ITGA8: variants seen among roughly 807,000 people sequenced by gnomAD.
ITGA8 encodes the protein integrin alpha-8.
Under a neutral mutation model 142.3 loss-of-function variants are expected in ITGA8, and 91 were observed. The ratio of observed to expected loss-of-function variants is 0.64; its 90% CI spans 0.54 to 0.76. The LOEUF (loss-of-function observed/expected upper bound fraction) is 0.76. Ranked by LOEUF, ITGA8 falls within the 30% of genes least tolerant of loss-of-function variation. ITGA8 has a pLI of 0.00. For missense variants in ITGA8, 1,406 were observed against 1,327.7 expected, an observed-to-expected ratio of 1.06 and a Z score of -0.92; for synonymous variants, 505 against 485.2, an observed-to-expected ratio of 1.04 and a Z score of -0.54.
chr10:15,710,181 G>T (rs925296259), intron 2 of ITGA8, among the ~76,000 whole-genome samples: 1 of 152,254 alleles, frequency 6.6e-6, no homozygotes, highest in East Asian at 1.9e-4. Flanking sequence ...ATTTCCCAAA[G>T]ATAGTCTCTC....
chr10:15,709,737 C>T (rs754581868), intron 2 of ITGA8, among the ~76,000 whole-genome samples: 18 of 152,126 alleles, frequency 1.2e-4, no homozygotes, highest in Admixed American at 9.2e-4. Context: ...AAAGCTATTC[C>T]GCACACAAAC....
chr10:15,583,731 T>C (rs1358384808), intron 23 of ITGA8, among the ~76,000 whole-genome samples: 1 of 152,090 alleles, frequency 6.6e-6, no homozygotes, highest in Non-Finnish European at 1.5e-5. Context: ...TATAAAGTAG[T>C]CCAAAATAAC....
chr10:15,625,495 C>G (rs1833565539), intron 13 of ITGA8, among the ~76,000 whole-genome samples: 1 of 152,170 alleles, frequency 6.6e-6, no homozygotes, highest in Non-Finnish European at 1.5e-5. Context: ...TTCTACAGTA[C>G]CAGTGTCACT....
At chr10:15,719,508 C>A in intron 1 of ITGA8, 55 bp downstream of exon 1, 2 of 1,460,308 alleles carry the variant, frequency 1.4e-6, no homozygotes, top group Non-Finnish European at 1.8e-6. Context: ...CCGCTGGGAC[C>A]TGACCCGGGA....
intron 8 of ITGA8, among the ~76,000 whole-genome samples, chr10:15,662,882 T>C (rs1162059693): frequency 6.6e-6 from 1 of 152,168 alleles, no homozygotes; most frequent in Non-Finnish European, 1.5e-5. Flanking sequence ...ACAGATTACT[T>C]TCTTGGGTTT....
chr10:15,718,683 C>A (rs1835498671), intron 2 of ITGA8, 83 bp downstream of exon 2: 1 of 1,555,600 alleles, frequency 6.4e-7, no homozygotes, highest in Non-Finnish European at 8.8e-7. Context: ...AGCAGCACAC[C>A]AAGACAGCGG....
At chr10:15,683,959 A>C in intron 4 of ITGA8, 45 bp downstream of exon 4, 3 of 1,611,488 alleles carry the variant, frequency 1.9e-6, no homozygotes, top group Non-Finnish European at 2.5e-6. Flanking sequence ...TACGATAGAA[A>C]AGCACTTGAG....
chr10:15,623,466 A>G (rs989895256), intron 13 of ITGA8, among the ~76,000 whole-genome samples: 2 of 152,304 alleles, frequency 1.3e-5, no homozygotes, highest in African/African-American at 4.8e-5. Flanking sequence ...TGGGTGGATC[A>G]CTTGAGGTCA....
intron 26 of ITGA8, among the ~76,000 whole-genome samples, chr10:15,548,785 C>T (rs1348518587): frequency 2.0e-5 from 3 of 152,130 alleles, no homozygotes; most frequent in Non-Finnish European, 2.9e-5. Flanking sequence ...AAGCTCTTTT[C>T]GAACGACTTT....
At chr10:15,580,904 G>T (rs1466796281) in intron 23 of ITGA8, among the ~76,000 whole-genome samples, 2 of 152,174 alleles carry the variant, frequency 1.3e-5, no homozygotes, top group African/African-American at 4.8e-5. Flanking sequence ...TATTGATCAT[G>T]CACTGGTGGT....
chr10:15,577,808 C>T lies in ITGA8; in HGVS notation c.2373-2214G>A, dbSNP rs151038279. On this transcript the variant is annotated intron_variant, in intron 23 of 29. Transcript: ENST00000378076. The stretch of plus-strand genomic sequence containing the variant: ...CAGCCAGTGTGGTCATCTTACGACC[C>T]TCACTGCATAGCCTTCCGTCCTAAG... Among the ~76,000 whole-genome samples the T allele has an allele frequency of 2.3e-3, 353 of 152,230 alleles. 2 individuals carry two copies. The highest frequency in any genetic ancestry group is 8.0e-3 in the African/African-American group (334 of 41,548).
rs187869462 is a variant in ITGA8 at position 15,517,828 on chromosome 10, T to C, written c.3106-584A>G. On this transcript the variant is annotated intron_variant, in intron 29 of 29. Coordinates refer to ENST00000378076, the MANE Select transcript of ITGA8 (RefSeq NM_003638.3). ...GTCCCTCTTTCATACAAACCACTTA[T>C]GGACCTTGGATATTTTCCTGAGATC... 2.3e-3 allele frequency among the ~76,000 whole-genome samples: 347 copies of C among 152,374 alleles called. 4 individuals are homozygous for C. Among genetic ancestry groups the C allele is most frequent in the African/African-American group, 8.1e-3 (338 of 41,594 alleles).
intron 2 of ITGA8, among the ~76,000 whole-genome samples, chr10:15,709,859 T>A (rs1221450321): frequency 1.3e-5 from 2 of 152,212 alleles, no homozygotes; most frequent in Non-Finnish European, 2.9e-5. Flanking sequence ...CACATACTGT[T>A]ACTGAAAATA....
chr10:15,643,993 C>T (rs376695341), intron 13 of ITGA8, 37 bp downstream of exon 13: 66 of 1,576,234 alleles, frequency 4.2e-5, no homozygotes, highest in East Asian at 2.7e-4. Context: ...TATTTCAGGA[C>T]GTAGACTCTC....
chr10:15,556,305 A>C (rs979247946), intron 26 of ITGA8, among the ~76,000 whole-genome samples: 1 of 152,042 alleles, frequency 6.6e-6, no homozygotes, highest in Non-Finnish European at 1.5e-5. Flanking sequence ...CCGGGATTAT[A>C]GGCTGAGCCA....
At chr10:15,573,639 A>G (rs955070845) in intron 24 of ITGA8, among the ~76,000 whole-genome samples, 9 of 152,180 alleles carry the variant, frequency 5.9e-5, no homozygotes, top group African/African-American at 2.2e-4. Context: ...CACTTTTGAA[A>G]AGGCTTTATT....
At chr10:15,536,358 T>C (rs1165360659) in intron 27 of ITGA8, among the ~76,000 whole-genome samples, 1 of 152,050 alleles carries the variant, frequency 6.6e-6, no homozygotes, top group Non-Finnish European at 1.5e-5. Flanking sequence ...GAAAACGTGG[T>C]TTATTAGACT....
At chr10:15,696,151 G>A (rs1245473523) in intron 2 of ITGA8, among the ~76,000 whole-genome samples, 1 of 152,228 alleles carries the variant, frequency 6.6e-6, no homozygotes, top group Non-Finnish European at 1.5e-5. Flanking sequence ...TACCCCGGGA[G>A]GACTGTCAAC....
At chr10:15,517,326 G>T in intron 29 of ITGA8, 82 bp from the exon 30 acceptor site, 3 of 934,856 alleles carry the variant, frequency 3.2e-6, no homozygotes, top group Non-Finnish European at 4.9e-6. Context: ...TTCACTTTAT[G>T]TATTTTTTTT....
Sources: allele counts gnomAD v4.1 joint callset (sites outside exome capture counted in the v4.1 genomes callset), GRCh38; gene constraint gnomAD v4.1.1; transcripts MANE v1.5; gene names NCBI Gene and HGNC (gene_info 2026-07-23, HGNC 2026-07-21).